Variants in CCDC178 observed in about 807,000 individuals in gnomAD.
The protein encoded by CCDC178 is coiled-coil domain containing 178, also known as coiled-coil domain-containing protein 178.
A neutral mutation model predicts 117.4 loss-of-function variants in CCDC178; 126 were observed. The observed-to-expected ratio is 1.07, with a 90% CI of 0.93 to 1.24. CCDC178 has a LOEUF of 1.24. CCDC178 is among the 50% of genes most tolerant of loss of function. The pLI is 0.00. For synonymous variants in CCDC178, 283 were observed against 313.4 expected (o/e 0.90, Z 1.02); for missense variants, 1,030 against 986.9 (o/e 1.04, Z -0.59).
rs1346550862 is a variant in CCDC178, at chr18:33,092,744, A to G, written c.2388+17T>C. On this transcript the variant is annotated intron_variant, in intron 21 of 22. Transcript: ENST00000383096. ...TGACATAAATCATCACCTTAAAACA[A>G]TTAGAAAAACCAATACCTGTTTCTT... 1 of 1,520,542 alleles carries G rather than the reference A, an allele frequency of 6.6e-7. No individual in the cohort carries two copies. Among genetic ancestry groups the G allele is most frequent in the South Asian group, 1.2e-5 (1 of 84,128 alleles). The allele number at this position is 1,520,542 out of a possible 1,614,324, so 94.2% of individuals were successfully genotyped here.
At position 33,223,407 on chromosome 18, in the gene CCDC178, C is replaced by G. The variant is rs989519822; in HGVS notation, c.1819-188G>C. ...CAAAAATTTCAATATTCTATTTGCA[C>G]TATGTGAGAAAGCCAAAATCTAATG... is the stretch of plus-strand genomic sequence containing the variant. On this transcript the variant is annotated intron_variant, in intron 17 of 22. Coordinates refer to ENST00000383096, the MANE Select transcript of CCDC178 (RefSeq NM_001105528.4). Among the ~76,000 whole-genome samples, 7 of 152,146 alleles carry G rather than the reference C, an allele frequency of 4.6e-5. No homozygotes were observed. In the South Asian group the frequency reaches 1.0e-3, roughly 23 times the overall value.
chr18:33,309,019 T>C (rs942157184), intron 11 of CCDC178, among the ~76,000 whole-genome samples: 7 of 152,208 alleles, frequency 4.6e-5, no homozygotes, highest in African/African-American at 1.4e-4. Context: ...TTTTAAATTA[T>C]TGATAAAACA....
intron 14 of CCDC178, among the ~76,000 whole-genome samples, chr18:33,250,912 A>G (rs2059613013): frequency 6.6e-6 from 1 of 151,654 alleles, no homozygotes; most frequent in South Asian, 2.1e-4. Flanking sequence ...CCCAGAGAGA[A>G]AAGACAAATT....
chr18:33,151,078 C>A lies in CCDC178; in HGVS notation c.2239-58168G>T, dbSNP rs371585207. ...AAAGGCATAAGAATGATATAATGAA[C>A]TTTGGGGACTTGGGGAGGCTGGAAG... is the stretch of plus-strand genomic sequence containing the variant. On this transcript the variant is annotated intron_variant, in intron 20 of 22. Transcript: ENST00000383096. Among the ~76,000 whole-genome samples, 42 of 152,036 alleles carry A rather than the reference C, an allele frequency of 2.8e-4. 1 individual carries two copies. The highest frequency in any genetic ancestry group is 2.1e-3 in the East Asian group (11 of 5,190).
intron 14 of CCDC178, among the ~76,000 whole-genome samples, chr18:33,251,340 G>T (rs185133334): frequency 4.6e-4 from 70 of 151,782 alleles, no homozygotes; most frequent in African/African-American, 1.4e-3. Context: ...CCTATGAAGA[G>T]GATGATTAGT....
chr18:33,375,387 G>C (rs1355025062), intron 5 of CCDC178, among the ~76,000 whole-genome samples: 1 of 151,964 alleles, frequency 6.6e-6, no homozygotes, highest in East Asian at 1.9e-4. Flanking sequence ...TAACTAAACA[G>C]CTTTAGACTT....
chr18:33,316,361 TG>T (rs2062416731), intron 11 of CCDC178, among the ~76,000 whole-genome samples: 1 of 152,128 alleles, frequency 6.6e-6, no homozygotes, highest in South Asian at 2.1e-4. Context: ...GCTTAGCACC[TG>T]GGCGGGCAGC....
chr18:33,127,269 A>T (rs2058018660), intron 20 of CCDC178, among the ~76,000 whole-genome samples: 1 of 152,082 alleles, frequency 6.6e-6, no homozygotes, highest in South Asian at 2.1e-4. Context: ...GATCACTTTC[A>T]TAGTAACACT....
intron 12 of CCDC178, among the ~76,000 whole-genome samples, chr18:33,277,251 T>C (rs887470443): frequency 1.3e-5 from 2 of 152,114 alleles, no homozygotes; most frequent in Non-Finnish European, 2.9e-5. Context: ...AATTAGTAAA[T>C]TAGTGCAGTA....
chr18:33,017,753 G>C (rs757588599), intron 21 of CCDC178, among the ~76,000 whole-genome samples: 1 of 151,800 alleles, frequency 6.6e-6, no homozygotes, highest in Non-Finnish European at 1.5e-5. Context: ...CAGAAGAATG[G>C]AATAGAATTG....
At chr18:33,172,492 T>A (rs2058614483) in intron 20 of CCDC178, among the ~76,000 whole-genome samples, 1 of 152,046 alleles carries the variant, frequency 6.6e-6, no homozygotes, top group African/African-American at 2.4e-5. Flanking sequence ...CATGAAAAAA[T>A]TATGTTTATA....
At chr18:32,955,338 A>G (rs2054572197) in intron 22 of CCDC178, among the ~76,000 whole-genome samples, 1 of 152,200 alleles carries the variant, frequency 6.6e-6, no homozygotes. Context: ...ATAGAGTCAT[A>G]TGTAGATATT....
chr18:33,165,372 A>G (rs1187778209), intron 20 of CCDC178, among the ~76,000 whole-genome samples: 2 of 152,094 alleles, frequency 1.3e-5, no homozygotes, highest in Non-Finnish European at 2.9e-5. Flanking sequence ...ACATTGTATT[A>G]GGTATTAGAA....
rs569013630 is a variant in CCDC178, at chr18:33,388,583, G to T, written c.208+957C>A. On this transcript the variant is annotated intron_variant, in intron 5 of 22. Coordinates refer to ENST00000383096, the MANE Select transcript of CCDC178 (RefSeq NM_001105528.4). ...CGCCCAGGCTGGAGTGCAGTGGCGG[G>T]ATCTCGGCTCACTGCAAGCTCCGCC... Among the ~76,000 whole-genome samples the T allele has an allele frequency of 1.1e-3, 140 of 126,128 alleles. 1 individual carries two copies. Among genetic ancestry groups the T allele is most frequent in the African/African-American group, 4.2e-3 (137 of 32,516 alleles). 82.7% of individuals were successfully genotyped at this position (126,128 alleles called of 152,430 possible).
intron 21 of CCDC178, among the ~76,000 whole-genome samples, chr18:32,991,965 G>T (rs1382887742): frequency 6.6e-6 from 1 of 152,170 alleles, no homozygotes; most frequent in Non-Finnish European, 1.5e-5. Flanking sequence ...GTGGTATAAA[G>T]TACAGAAATA....
At chr18:33,322,677 T>C (rs1355000687) in intron 11 of CCDC178, among the ~76,000 whole-genome samples, 2 of 151,642 alleles carry the variant, frequency 1.3e-5, no homozygotes, top group Non-Finnish European at 3.0e-5. Flanking sequence ...ATTGATCAAA[T>C]ATAACTAATC....
intron 11 of CCDC178, among the ~76,000 whole-genome samples, chr18:33,299,109 T>A (rs1476842560): frequency 6.6e-6 from 1 of 152,100 alleles, no homozygotes; most frequent in East Asian, 1.9e-4. Flanking sequence ...TAGAAATTTT[T>A]AAAAAGTTAA....
chr18:33,016,671 T>C (rs2055998825), intron 21 of CCDC178, among the ~76,000 whole-genome samples: 1 of 151,976 alleles, frequency 6.6e-6, no homozygotes, highest in Non-Finnish European at 1.5e-5. Context: ...TTGAATACTA[T>C]TAAAGTTAGT....
intron 11 of CCDC178, among the ~76,000 whole-genome samples, chr18:33,300,397 T>C (rs569688264): frequency 1.1e-4 from 16 of 152,336 alleles, no homozygotes; most frequent in African/African-American, 3.6e-4. Context: ...GCTATAAAGA[T>C]ACTTGAAAGT....
Sources: gnomAD v4.1 joint callset for allele counts (sites outside exome capture counted in the v4.1 genomes callset) on GRCh38, gnomAD v4.1.1 for gene constraint, MANE v1.5 for transcripts, NCBI Gene and HGNC (gene_info 2026-07-23, HGNC 2026-07-21) for gene names.